The following PIWIL2 variants were observed in gnomAD, a reference collection of about 807,000 sequenced individuals.
PIWIL2 encodes piwi like RNA-mediated gene silencing 2.
PIWIL2 carries 81 observed loss-of-function variants against 116.5 expected under a neutral mutation model. That is an observed-to-expected ratio of 0.70 (90% CI 0.58 to 0.84). PIWIL2 has a LOEUF of 0.84. PIWIL2 is among the 40% of genes least tolerant of loss of function. PIWIL2 has a pLI of 0.00. For missense variants in PIWIL2, 1,272 were observed against 1,212.3 expected, an observed-to-expected ratio of 1.05 and a Z score of -0.73; for synonymous variants, 489 against 429.5, an observed-to-expected ratio of 1.14 and a Z score of -1.71.
At chr8:22,328,512 A>C (rs914569222) in intron 20 of PIWIL2, among the ~76,000 whole-genome samples, 23 of 152,184 alleles carry the variant, frequency 1.5e-4, no homozygotes, top group Non-Finnish European at 4.4e-5. Context: ...GAATATCTAG[A>C]TTACTTTGAA....
chr8:22,325,481 C>CT (rs749493740), intron 20 of PIWIL2, among the ~76,000 whole-genome samples: 16,336 of 94,978 alleles, frequency 0.17, 2,209 homozygotes, highest in South Asian at 0.27. Flanking sequence ...TTGATTTAGT[C>CT]TTTTTTTTTT....
At chr8:22,345,051 G>A (rs1832193564) in intron 20 of PIWIL2, among the ~76,000 whole-genome samples, 1 of 151,938 alleles carries the variant, frequency 6.6e-6, no homozygotes, top group Non-Finnish European at 1.5e-5. Context: ...AGAGGTGCAA[G>A]CCTGTGGTCC....
intron 20 of PIWIL2, among the ~76,000 whole-genome samples, chr8:22,331,765 G>A (rs2132079860): frequency 6.6e-6 from 1 of 152,100 alleles, no homozygotes; most frequent in African/African-American, 2.4e-5. Flanking sequence ...TGGGGGCCTT[G>A]GTCTTCCTTG....
intron 7 of PIWIL2, among the ~76,000 whole-genome samples, 194 bp downstream of exon 7, chr8:22,287,839 A>G (rs1311049407): frequency 6.6e-6 from 1 of 152,194 alleles, no homozygotes; most frequent in African/African-American, 2.4e-5. Context: ...GTAGGAAACC[A>G]TAGAATTCCT....
intron 20 of PIWIL2, among the ~76,000 whole-genome samples, chr8:22,328,364 T>C (rs1831775545): frequency 6.6e-6 from 1 of 152,224 alleles, no homozygotes; most frequent in South Asian, 2.1e-4. Context: ...TTGGAGAGTG[T>C]GAGTCTTCCA....
rs753294278 is a variant in PIWIL2 at position 22,353,229 on chromosome 8, T to C, written c.2657+17T>C. The C allele has an allele frequency of 6.2e-6, 10 of 1,600,846 alleles. No homozygotes were observed. The highest frequency in any genetic ancestry group is 5.6e-5 in the South Asian group (5 of 89,950). ...CTGTGAGTGGTAAGTGAGCAAAATA[T>C]GTAGTATTGGAGGAAGAATAAGTTG... On this transcript the variant is annotated intron_variant, in intron 21 of 22. Transcript: ENST00000356766.
intron 21 of PIWIL2, 80 bp from the exon 22 acceptor site, chr8:22,354,191 C>A: frequency 1.1e-6 from 1 of 914,094 alleles, no homozygotes; most frequent in Non-Finnish European, 1.8e-6. Flanking sequence ...GTTGAAGGAG[C>A]TAGAACGATC....
At chr8:22,336,245 G>C (rs900233320) in intron 20 of PIWIL2, among the ~76,000 whole-genome samples, 8 of 152,004 alleles carry the variant, frequency 5.3e-5, no homozygotes, top group Non-Finnish European at 1.0e-4. Context: ...ATAAAACAAG[G>C]CTCAATACAT....
intron 10 of PIWIL2, among the ~76,000 whole-genome samples, chr8:22,298,684 G>A (rs1243874718): frequency 2.6e-5 from 4 of 152,204 alleles, no homozygotes; most frequent in Non-Finnish European, 4.4e-5. Flanking sequence ...TGAGACCTCT[G>A]TTCTATCGGA....
At chr8:22,295,337 C>T in intron 10 of PIWIL2, among the ~76,000 whole-genome samples, 2 of 150,020 alleles carry the variant, frequency 1.3e-5, no homozygotes, top group Middle Eastern at 6.8e-3. Flanking sequence ...CTATGCTCAG[C>T]TTTTTTTTTT....
chr8:22,342,940 A>G (rs936649528), intron 20 of PIWIL2, among the ~76,000 whole-genome samples: 1 of 152,232 alleles, frequency 6.6e-6, no homozygotes, highest in African/African-American at 2.4e-5. Context: ...TTAGAAAATG[A>G]GCAAAATACC....
intron 20 of PIWIL2, among the ~76,000 whole-genome samples, chr8:22,330,804 T>C (rs1831843443): frequency 6.6e-6 from 1 of 152,186 alleles, no homozygotes; most frequent in South Asian, 2.1e-4. Context: ...GGACAGTCTC[T>C]GTTGACTTTT....
intron 12 of PIWIL2, among the ~76,000 whole-genome samples, 197 bp downstream of exon 12, chr8:22,305,065 C>T (rs900481643): frequency 2.6e-5 from 4 of 151,986 alleles, no homozygotes; most frequent in African/African-American, 4.8e-5. Flanking sequence ...GAAGTCCCCA[C>T]GAGGCGGAAC....
At chr8:22,285,686 G>T (rs1830613913) in intron 6 of PIWIL2, among the ~76,000 whole-genome samples, 1 of 151,854 alleles carries the variant, frequency 6.6e-6, no homozygotes, top group Non-Finnish European at 1.5e-5. Context: ...CTGTCACCCA[G>T]GCTGGAGTGC....
At position 22,309,924 on chromosome 8, in the gene PIWIL2, A is replaced by G. The variant is rs776619519; in HGVS notation, c.1687-37A>G. ...CAGTGTTTTTCTAAATAGCGTTTGA[A>G]AAGGCTCATGTCATAGATGGTTTAT... On this transcript the variant is annotated intron_variant, in intron 14 of 22. Transcript: ENST00000356766. 6.3e-6 allele frequency: 8 copies of G among 1,263,366 alleles called. No homozygotes were observed. The East Asian group carries it at 1.9e-4, about 29-fold the overall frequency. 78.3% of individuals were successfully genotyped at this position (1,263,366 alleles called of 1,614,324 possible). A position where few individuals can be genotyped will look rare whatever the true frequency, so the allele number is the denominator to read the frequency against.
intron 22 of PIWIL2, among the ~76,000 whole-genome samples, chr8:22,354,769 T>G (rs1832451906): frequency 6.6e-6 from 1 of 152,146 alleles, no homozygotes; most frequent in African/African-American, 2.4e-5. Context: ...CTTTGTGTTG[T>G]TTTCGTATAA....
At chr8:22,289,239 G>A (rs1380702108) in intron 8 of PIWIL2, among the ~76,000 whole-genome samples, 3 of 148,584 alleles carry the variant, frequency 2.0e-5, no homozygotes, top group South Asian at 2.1e-4. Flanking sequence ...TGCAACCTCC[G>A]ACTCCCTGGT....
chr8:22,335,048 CTT>C (rs1288025495), intron 20 of PIWIL2, among the ~76,000 whole-genome samples: 2 of 123,700 alleles, frequency 1.6e-5, no homozygotes, highest in African/African-American at 5.6e-5. Flanking sequence ...GAGTGAGACT[CTT>C]GTCTCAAAAA....
At chr8:22,297,593 T>C (rs771196077) in intron 10 of PIWIL2, among the ~76,000 whole-genome samples, 19 of 152,196 alleles carry the variant, frequency 1.2e-4, no homozygotes, top group Non-Finnish European at 1.8e-4. Flanking sequence ...GCAGACTTTA[T>C]TCAGAACCAG....
Sources: gnomAD v4.1 joint callset for allele counts (sites outside exome capture counted in the v4.1 genomes callset) on GRCh38, gnomAD v4.1.1 for gene constraint, MANE v1.5 for transcripts, NCBI Gene and HGNC (gene_info 2026-07-23, HGNC 2026-07-21) for gene names.